PARD3B: variants seen among roughly 807,000 people sequenced by gnomAD.
PARD3B encodes the protein par-3 family cell polarity regulator beta.
A neutral mutation model predicts 130.2 loss-of-function variants in PARD3B; 103 were observed. That is an observed-to-expected ratio of 0.79 (90% confidence interval 0.67 to 0.93). The LOEUF is 0.93. Ranked by LOEUF, PARD3B falls within the 40% of genes least tolerant of loss-of-function variation. The pLI is 0.00. For synonymous variants in PARD3B, 583 were observed against 553.2 expected (o/e 1.05, Z -0.76); for missense variants, 1,609 against 1,499.2 (o/e 1.07, Z -1.21).
At chr2:205,588,716 C>T (rs1575432309) in intron 22 of PARD3B, among the ~76,000 whole-genome samples, 1 of 152,272 alleles carries the variant, frequency 6.6e-6, no homozygotes. Flanking sequence ...ATTGTATATA[C>T]ATTATACTTC....
At chr2:205,328,869 G>A (rs1242307566) in intron 18 of PARD3B, among the ~76,000 whole-genome samples, 4 of 152,066 alleles carry the variant, frequency 2.6e-5, no homozygotes, top group African/African-American at 9.7e-5. Context: ...TTGGTTAAAT[G>A]GGCCCTAAAG....
Position 204,659,679 on chromosome 2 carries a change from C to T in PARD3B, c.121-26502C>T, listed in dbSNP as rs546386251. The stretch of plus-strand genomic sequence containing the variant: ...TAACATACTGTGCAACTAAAGAAAA[C>T]ACTTCTGTATGTCAGGATGTGGTTG... On this transcript the variant is annotated intron_variant, in intron 1 of 22. Transcript: ENST00000406610. Among the ~76,000 whole-genome samples, 12 of 152,248 alleles carry T rather than the reference C, an allele frequency of 7.9e-5. No homozygotes were observed. In the South Asian group the frequency reaches 2.5e-3, roughly 32 times the overall value.
chr2:204,843,633 G>A (rs1286565961), intron 2 of PARD3B, among the ~76,000 whole-genome samples: 1 of 151,950 alleles, frequency 6.6e-6, no homozygotes, highest in African/African-American at 2.4e-5. Flanking sequence ...CCTCAGCTTC[G>A]CAAAGTGCTG....
rs535875561 is a variant in PARD3B at position 205,021,023 on chromosome 2, G to C, written c.395-26558G>C. 2.0e-5 allele frequency among the ~76,000 whole-genome samples: 3 copies of C among 152,254 alleles called. No individual in the cohort carries two copies. The highest frequency in any genetic ancestry group is 3.9e-4 in the East Asian group (2 of 5,166). ...GGACTCCCTAAGAGACCTTGCCTCT[G>C]AGCATGTCAGCTGAAAAGATGGCAG... On this transcript the variant is annotated intron_variant, in intron 3 of 22. Transcript: ENST00000406610. This position sits in a 1 kb window ranked among gnomAD's most constrained non-coding sequence, Gnocchi z 4.5.
chr2:204,908,807 A>G (rs2047128395), intron 2 of PARD3B, among the ~76,000 whole-genome samples: 1 of 152,342 alleles, frequency 6.6e-6, no homozygotes, highest in South Asian at 2.1e-4. Context: ...ACGTTTATGT[A>G]AAAAGAAGAG....
intron 20 of PARD3B, chr2:205,482,444 T>C (rs1258986192): frequency 6.6e-6 from 1 of 152,096 alleles, no homozygotes; most frequent in Non-Finnish European, 1.5e-5. Context: ...CGGCAGAGGA[T>C]TGTTTTTTAA....
rs143248465 is a variant in PARD3B at position 204,964,748 on chromosome 2, A to G, written c.223-404A>G. ...TCTCCGAGACTGGAATAACCTCCCT[A>G]TACTATTTAAGTCTATTATTCAATG... On this transcript the variant is annotated intron_variant, in intron 2 of 22. Transcript: ENST00000406610. 1.5e-3 allele frequency among the ~76,000 whole-genome samples: 222 copies of G among 152,250 alleles called. 2 individuals carry two copies. The highest frequency in any genetic ancestry group is 5.2e-3 in the African/African-American group (214 of 41,536).
chr2:205,248,177 A>G (rs894684631), intron 16 of PARD3B, among the ~76,000 whole-genome samples: 1 of 152,094 alleles, frequency 6.6e-6, no homozygotes, highest in Admixed American at 6.6e-5. Flanking sequence ...TTCTGGGCTC[A>G]AGCAATCCAC....
intron 4 of PARD3B, among the ~76,000 whole-genome samples, chr2:205,100,724 G>T (rs1702714545): frequency 6.6e-6 from 1 of 152,002 alleles, no homozygotes; most frequent in South Asian, 2.1e-4. Context: ...AGGGTGTCGA[G>T]ACAATTCAAT....
intron 4 of PARD3B, among the ~76,000 whole-genome samples, chr2:205,053,114 G>C (rs1280137569): frequency 6.6e-6 from 1 of 152,028 alleles, no homozygotes; most frequent in East Asian, 1.9e-4. Flanking sequence ...AAGATAATAT[G>C]ATGACGTGTT....
At chr2:205,003,190 C>T (rs970521658) in intron 3 of PARD3B, among the ~76,000 whole-genome samples, 5 of 152,196 alleles carry the variant, frequency 3.3e-5, no homozygotes, top group Non-Finnish European at 7.3e-5. Context: ...GCCTTTCCTC[C>T]CTCTTCACTT....
At position 204,743,500 on chromosome 2, in the gene PARD3B, A is replaced by G. The variant is rs1011570414; in HGVS notation, c.222+57218A>G. Among the ~76,000 whole-genome samples the G allele has an allele frequency of 3.3e-5, 5 of 152,274 alleles. No homozygotes were observed. The South Asian group carries it at 1.0e-3, about 32-fold the overall frequency. On this transcript the variant is annotated intron_variant, in intron 2 of 22. Coordinates refer to ENST00000406610, the MANE Select transcript of PARD3B (RefSeq NM_001302769.2). The stretch of plus-strand genomic sequence containing the variant: ...CTGTACACTGTGGCATTTACTGGTA[A>G]GGTTTCTCATCATGTGCATGTGAAG...
chr2:205,092,731 TC>T (rs1702183761), intron 4 of PARD3B, among the ~76,000 whole-genome samples: 1 of 152,096 alleles, frequency 6.6e-6, no homozygotes, highest in South Asian at 2.1e-4. Context: ...AAGTGTAAGG[TC>T]CCCATACTGA....
At chr2:204,643,755 C>T (rs1264572141) in intron 1 of PARD3B, among the ~76,000 whole-genome samples, 4 of 152,128 alleles carry the variant, frequency 2.6e-5, no homozygotes, top group Non-Finnish European at 4.4e-5. Flanking sequence ...ATAAAGGATA[C>T]TAGCAATTGC....
chr2:204,647,384 T>C (rs2035310591), intron 1 of PARD3B, among the ~76,000 whole-genome samples: 1 of 151,944 alleles, frequency 6.6e-6, no homozygotes, highest in Non-Finnish European at 1.5e-5. Context: ...TTTTTAATTT[T>C]GTGCCTTGCT....
intron 18 of PARD3B, among the ~76,000 whole-genome samples, chr2:205,373,700 A>G (rs934959417): frequency 5.3e-5 from 8 of 152,202 alleles, no homozygotes; most frequent in African/African-American, 1.4e-4. Flanking sequence ...AAGAAAAGTT[A>G]ATATCTAGTC....
At chr2:205,364,988 T>A (rs2044546547) in intron 18 of PARD3B, among the ~76,000 whole-genome samples, 1 of 151,694 alleles carries the variant, frequency 6.6e-6, no homozygotes, top group Admixed American at 6.6e-5. Flanking sequence ...GATCACGAGG[T>A]CAGGAGTTCA....
At chr2:204,798,486 A>T (rs1279334301) in intron 2 of PARD3B, among the ~76,000 whole-genome samples, 8 of 152,164 alleles carry the variant, frequency 5.3e-5, no homozygotes, top group Non-Finnish European at 1.5e-5. Context: ...TTCCTGGGGA[A>T]GTCCCAGTGA....
chr2:205,403,683 C>T (rs2046327463), intron 19 of PARD3B, among the ~76,000 whole-genome samples: 1 of 152,144 alleles, frequency 6.6e-6, no homozygotes, highest in Non-Finnish European at 1.5e-5. Flanking sequence ...AGTTGGAGCC[C>T]AGGAATCTGT....
Sources: allele counts gnomAD v4.1 joint callset (sites outside exome capture counted in the v4.1 genomes callset), GRCh38; gene constraint gnomAD v4.1.1; non-coding constraint Gnocchi (gnomAD v3.1); transcripts MANE v1.5; gene names NCBI Gene and HGNC (gene_info 2026-07-23, HGNC 2026-07-21).